Variants in FILIP1L observed in about 807,000 individuals in gnomAD.
FILIP1L encodes filamin A interacting protein 1 like, also known as filamin A-interacting protein 1-like.
FILIP1L carries 55 observed loss-of-function variants against 96.6 expected under a neutral mutation model. That is an observed-to-expected ratio of 0.57 (90% CI 0.46 to 0.71). The LOEUF (loss-of-function observed/expected upper bound fraction) is 0.71, where lower values mean the gene tolerates loss of function less well. Ranked by LOEUF, FILIP1L falls within the 30% of genes least tolerant of loss-of-function variation. The pLI, the probability that FILIP1L is intolerant of heterozygous loss-of-function variation, is 0.00. For synonymous variants in FILIP1L, 467 were observed against 473.9 expected (o/e 0.99, Z 0.19); for missense variants, 1,304 against 1,321.2 (o/e 0.99, Z 0.20).
At chr3:99,876,168 C>G (rs1221693224) in intron 4 of FILIP1L, 1 of 985,484 alleles carries the variant, frequency 1.0e-6, no homozygotes, top group Non-Finnish European at 1.2e-6. Context: ...GTCGCCCGAA[C>G]AATGCGAGCG....
At chr3:99,933,680 A>C (rs1707564120) in intron 1 of FILIP1L, among the ~76,000 whole-genome samples, 1 of 152,196 alleles carries the variant, frequency 6.6e-6, no homozygotes, top group African/African-American at 2.4e-5. Context: ...TAAATATTAC[A>C]TTCTGCTTTA....
intron 1 of FILIP1L, among the ~76,000 whole-genome samples, chr3:100,072,871 C>T (rs1234973251): frequency 6.6e-6 from 1 of 152,214 alleles, no homozygotes; most frequent in Non-Finnish European, 1.5e-5. Context: ...ACTACCTACC[C>T]ACTTCCTCTA....
At chr3:99,984,052 A>G (rs9867208) in intron 1 of FILIP1L, among the ~76,000 whole-genome samples, 118,626 of 151,086 alleles carry the variant, frequency 0.79, 46,685 homozygotes, top group Middle Eastern at 0.86. Flanking sequence ...ATGTATATGT[A>G]TGTGTGTTTG....
chr3:99,963,971 G>A (rs1708570000), intron 1 of FILIP1L, among the ~76,000 whole-genome samples: 1 of 152,040 alleles, frequency 6.6e-6, no homozygotes, highest in Non-Finnish European at 1.5e-5. Context: ...TGATCAGTAG[G>A]CCAGGCAGGA....
Position 100,023,960 on chromosome 3 carries a change from G to A in FILIP1L, c.-11+90093C>T, listed in dbSNP as rs146062651. 5.0e-3 allele frequency among the ~76,000 whole-genome samples: 754 copies of A among 152,224 alleles called. 4 individuals are homozygous for A. Among genetic ancestry groups the A allele is most frequent in the Admixed American group, 8.8e-3 (135 of 15,282 alleles). ...AGTTAAAGAAATCTTTACTTCCTGG[G>A]AACTTAGTAAATACCAACCTATGAT... On this transcript the variant is annotated intron_variant, in intron 1 of 5. Transcript: ENST00000477258.
At chr3:99,991,600 C>G (rs918511704) in intron 1 of FILIP1L, among the ~76,000 whole-genome samples, 4 of 151,980 alleles carry the variant, frequency 2.6e-5, no homozygotes, top group African/African-American at 9.7e-5. Context: ...CCTCACCCCC[C>G]TGCCACCTTC....
At chr3:100,020,364 C>G (rs1465067893) in intron 1 of FILIP1L, among the ~76,000 whole-genome samples, 1 of 152,188 alleles carries the variant, frequency 6.6e-6, no homozygotes, top group Non-Finnish European at 1.5e-5. Flanking sequence ...GTTGCAAGTT[C>G]CCCAAGTTCA....
intron 1 of FILIP1L, among the ~76,000 whole-genome samples, chr3:100,078,997 C>T (rs1285853106): frequency 6.6e-6 from 1 of 152,168 alleles, no homozygotes; most frequent in East Asian, 1.9e-4. Flanking sequence ...ATGTGGCCCA[C>T]GTTGGACAAG....
At chr3:100,022,429 T>C (rs2064843266) in intron 1 of FILIP1L, among the ~76,000 whole-genome samples, 1 of 152,236 alleles carries the variant, frequency 6.6e-6, no homozygotes, top group Non-Finnish European at 1.5e-5. Context: ...ATTCATTCCA[T>C]TTCTTTGGAA....
intron 1 of FILIP1L, among the ~76,000 whole-genome samples, chr3:100,016,365 A>G (rs1157759348): frequency 6.6e-6 from 1 of 152,246 alleles, no homozygotes; most frequent in South Asian, 2.1e-4. Flanking sequence ...CTAATTTTGT[A>G]TCTTTAGTAG....
chr3:99,889,959 CA>C (rs1706032153), intron 4 of FILIP1L, among the ~76,000 whole-genome samples: 1 of 151,774 alleles, frequency 6.6e-6, no homozygotes, highest in Non-Finnish European at 1.5e-5. Context: ...TTAGATATAC[CA>C]ATATATTTAA....
rs575681602 is a variant in FILIP1L, at chr3:100,036,603, T to G, written c.-11+77450A>C. On this transcript the variant is annotated intron_variant, in intron 1 of 5. Coordinates refer to ENST00000477258, the MANE Select transcript of FILIP1L (RefSeq NM_001387850.1). ...TAATAAATGTAGAAGAAATATAGAT[T>G]AGAAAACCACCATTTTGCAGCCATC... Among the ~76,000 whole-genome samples the G allele has an allele frequency of 3.9e-5, 6 of 152,314 alleles. No homozygotes were observed. The East Asian group carries it at 1.2e-3, about 29-fold the overall frequency.
At chr3:99,996,739 A>G (rs1325810899) in intron 1 of FILIP1L, among the ~76,000 whole-genome samples, 1 of 152,074 alleles carries the variant, frequency 6.6e-6, no homozygotes, top group East Asian at 1.9e-4. Context: ...TGATAAAACC[A>G]TCAGATCTCG....
intron 1 of FILIP1L, among the ~76,000 whole-genome samples, chr3:100,101,651 G>T (rs980475137): frequency 2.0e-5 from 3 of 152,048 alleles, no homozygotes; most frequent in Non-Finnish European, 2.9e-5. Context: ...TTAAGTTTTA[G>T]GGTACATGTG....
intron 1 of FILIP1L, among the ~76,000 whole-genome samples, chr3:99,971,399 G>C (rs1414723624): frequency 6.6e-6 from 1 of 151,672 alleles, no homozygotes; most frequent in South Asian, 2.1e-4. Flanking sequence ...CACAAGGAAA[G>C]AAGTCCATTT....
chr3:100,022,327 A>G (rs2064840642), intron 1 of FILIP1L, among the ~76,000 whole-genome samples: 1 of 152,164 alleles, frequency 6.6e-6, no homozygotes, highest in Admixed American at 6.5e-5. Flanking sequence ...GCCATGTCCA[A>G]TATCAGCCCT....
At chr3:99,854,327 G>T (rs1445868650) in intron 4 of FILIP1L, among the ~76,000 whole-genome samples, 2 of 152,084 alleles carry the variant, frequency 1.3e-5, no homozygotes, top group Admixed American at 6.5e-5. Flanking sequence ...GCTAATGCAG[G>T]TTATCATGAA....
At chr3:99,902,754 A>G (rs767173042) in intron 4 of FILIP1L, among the ~76,000 whole-genome samples, 7 of 152,186 alleles carry the variant, frequency 4.6e-5, no homozygotes, top group Non-Finnish European at 1.0e-4. Context: ...GCTTTCTACT[A>G]TTCTAGTTGC....
rs557199486 is a variant in FILIP1L at position 99,890,087 on chromosome 3, T to C, written c.605+34143A>G. Among the ~76,000 whole-genome samples, 348 of 152,220 alleles carry C rather than the reference T, an allele frequency of 2.3e-3. 3 individuals are homozygous for C. The highest frequency in any genetic ancestry group is 3.6e-3 in the Non-Finnish European group (248 of 67,958). On this transcript the variant is annotated intron_variant, in intron 4 of 5. Transcript: ENST00000477258. ...TAGTGGAAGTCTGCTCTTTGCACAC[T>C]GTATTTATTTGAATCTGTCTTTATT... is the stretch of plus-strand genomic sequence containing the variant.
Sources: allele counts gnomAD v4.1 joint callset (sites outside exome capture counted in the v4.1 genomes callset), GRCh38; gene constraint gnomAD v4.1.1; transcripts MANE v1.5; gene names NCBI Gene and HGNC (gene_info 2026-07-23, HGNC 2026-07-21).